Variants in DDX19B observed in about 807,000 individuals in gnomAD.
The protein encoded by DDX19B is DEAD-box helicase 19B, also known as ATP-dependent RNA helicase DDX19B.
A neutral mutation model predicts 58.1 loss-of-function variants in DDX19B; 27 were observed. The observed-to-expected ratio is 0.46, with a 90% CI of 0.34 to 0.64. The LOEUF (loss-of-function observed/expected upper bound fraction) is 0.64, where lower values mean the gene tolerates loss of function less well. Among genes scored for constraint, DDX19B ranks in the 30% least tolerant of loss-of-function variants. The pLI is 0.01. For synonymous variants in DDX19B, 187 were observed against 214.4 expected (o/e 0.87, Z 1.12); for missense variants, 399 against 596.5 (o/e 0.67, Z 3.45).
At chr16:70,326,039 T>C (rs1010876071) in intron 7 of DDX19B, among the ~76,000 whole-genome samples, 12 of 152,356 alleles carry the variant, frequency 7.9e-5, no homozygotes, top group Admixed American at 3.9e-4. Context: ...TGTTTGGTTT[T>C]TCGACCAAGA....
chr16:70,296,771 CCTG>C (rs1389092606), upstream of DDX19B, among the ~76,000 whole-genome samples: 1 of 152,074 alleles, frequency 6.6e-6, no homozygotes, highest in Admixed American at 6.6e-5. Context: ...TCCAGTTAAC[CCTG>C]TGAGAGTGCA....
chr16:70,327,970 G>C (rs1199925837), intron 7 of DDX19B, among the ~76,000 whole-genome samples: 4 of 152,054 alleles, frequency 2.6e-5, no homozygotes, highest in African/African-American at 9.7e-5. Context: ...TGACCAACAT[G>C]ATGAAACCCA....
intron 9 of DDX19B, among the ~76,000 whole-genome samples, chr16:70,330,815 G>A (rs919125809): frequency 1.3e-5 from 2 of 151,862 alleles, no homozygotes; most frequent in African/African-American, 2.4e-5. Context: ...AGGCTGAGGT[G>A]GGGGGATCTT....
At chr16:70,312,386 G>C (rs1182880370) in intron 1 of DDX19B, among the ~76,000 whole-genome samples, 1 of 152,164 alleles carries the variant, frequency 6.6e-6, no homozygotes, top group East Asian at 1.9e-4. Context: ...TTAAGTAGAA[G>C]GTACAGATTT....
In DDX19B at chr16:70,316,101, G is replaced by A. The variant is rs772047383; in HGVS notation, c.293G>A (p.Arg98Gln). 8 of 1,614,000 alleles carry A rather than the reference G, an allele frequency of 5.0e-6. No individual in the cohort carries two copies. The highest frequency in any genetic ancestry group is 2.2e-5 in the East Asian group (1 of 44,874). ...LYSVKSFEEL[R>Q]LKPQLLQGVY... is the part of the protein sequence containing the mutation. ...TCGGTGAAGTCTTTTGAAGAGCTTC[G>A]GCTGTGAGTATTTATTCACCTTCTG... is the stretch of plus-strand genomic sequence containing the variant. The change falls in exon 4 of 12, where the codon CGG becomes CAG. Residue 98 changes from arginine to glutamine, a missense_variant. Around this residue, in one of 4 missense-constraint regions of DDX19B, gnomAD observed 132 missense variants for 159.4 expected, o/e 0.83. Coordinates refer to ENST00000288071, the MANE Select transcript of DDX19B (RefSeq NM_007242.7).
chr16:70,333,658 C>T lies in DDX19B; in HGVS notation c.*76C>T, dbSNP rs996416861. 4.4e-6 allele frequency: 7 copies of T among 1,606,896 alleles called. No homozygotes were observed. Among genetic ancestry groups the T allele is most frequent in the Admixed American group, 1.7e-5 (1 of 59,894 alleles). On this transcript the variant is annotated 3_prime_UTR_variant, in exon 12 of 12. Coordinates refer to ENST00000288071, the MANE Select transcript of DDX19B (RefSeq NM_007242.7). ...GACAAGTGCGTTCAGGGCACAGGCC[C>T]CGACATCACCCCAAGGACAACGGCA...
intron 2 of DDX19B, among the ~76,000 whole-genome samples, chr16:70,314,232 T>A (rs188245969): frequency 2.4e-4 from 37 of 152,354 alleles, no homozygotes; most frequent in Admixed American, 1.1e-3. Flanking sequence ...TTTGCATAGA[T>A]ATTCCTCTGT....
upstream of DDX19B, among the ~76,000 whole-genome samples, chr16:70,290,550 T>C (rs969460299): frequency 2.0e-5 from 3 of 151,880 alleles, no homozygotes; most frequent in Non-Finnish European, 4.4e-5. Flanking sequence ...AAAATAAAAA[T>C]TAGCCAGGCA....
chr16:70,329,736 C>A, intron 8 of DDX19B, 95 bp from the exon 9 acceptor site: 7 of 1,537,818 alleles, frequency 4.6e-6, no homozygotes, highest in Non-Finnish European at 6.2e-6. Flanking sequence ...TCCCATCAGC[C>A]TTCCTGGGCA....
chr16:70,302,046 G>A (rs979902388), intron 1 of DDX19B, among the ~76,000 whole-genome samples: 2 of 151,386 alleles, frequency 1.3e-5, no homozygotes, highest in African/African-American at 2.4e-5. Flanking sequence ...TCAGCCTCCC[G>A]AGTAGCTGGG....
upstream of DDX19B, among the ~76,000 whole-genome samples, chr16:70,298,396 ACT>A (rs941216632): frequency 1.4e-4 from 21 of 152,020 alleles, no homozygotes; most frequent in Non-Finnish European, 2.2e-4. Context: ...ACAGAGCCAG[ACT>A]CAATCTCAAA....
upstream of DDX19B, among the ~76,000 whole-genome samples, chr16:70,294,391 A>G (rs1397851257): frequency 2.0e-5 from 3 of 152,118 alleles, no homozygotes; most frequent in Admixed American, 2.0e-4. Flanking sequence ...GAGAGCCTGC[A>G]TTTTTAACAG....
intron 3 of DDX19B, chr16:70,315,701 T>C: frequency 3.1e-6 from 1 of 319,392 alleles, no homozygotes; most frequent in Non-Finnish European, 5.7e-6. Flanking sequence ...AGTAAATATG[T>C]GGGTCTGGAT....
chr16:70,290,581 C>A (rs1324090251), upstream of DDX19B, among the ~76,000 whole-genome samples: 3 of 152,170 alleles, frequency 2.0e-5, no homozygotes, highest in African/African-American at 7.2e-5. Context: ...TGCTTGTAGT[C>A]CCAGCTACTT....
chr16:70,317,263 C>A, intron 4 of DDX19B: 1 of 281,860 alleles, frequency 3.5e-6, no homozygotes, highest in Non-Finnish European at 6.6e-6. Context: ...TACCTGTAAT[C>A]CCAGCTATTC....
intron 9 of DDX19B, among the ~76,000 whole-genome samples, chr16:70,330,790 T>A (rs1345818597): frequency 6.6e-6 from 1 of 151,898 alleles, no homozygotes; most frequent in Non-Finnish European, 1.5e-5. Flanking sequence ...ACGCCTGTAA[T>A]CCCAGCCTTT....
In DDX19B at chr16:70,334,699, A is replaced by G. The variant is rs370751411; in HGVS notation, c.*1117A>G. 6.6e-6 allele frequency: 1 copy of G among 152,334 alleles called. No individual in the cohort carries two copies. Among genetic ancestry groups the G allele is most frequent in the South Asian group, 2.1e-4 (1 of 4,826 alleles). 9.4% of individuals were successfully genotyped at this position (152,334 alleles called of 1,614,324 possible). A position where few individuals can be genotyped will look rare whatever the true frequency, so the allele number is the denominator to read the frequency against. Reference sequence around the variant, plus strand: ...GGGACTAGCTACACTACCACCATTTATCTGTCCAAGGCAAGAGTATCACCA... The same window carrying G: ...GGGACTAGCTACACTACCACCATTTGTCTGTCCAAGGCAAGAGTATCACCA... On this transcript the variant is annotated 3_prime_UTR_variant, in exon 12 of 12. Coordinates refer to ENST00000288071, the MANE Select transcript of DDX19B (RefSeq NM_007242.7).
chr16:70,330,146 C>T, intron 9 of DDX19B, 78 bp downstream of exon 9: 3 of 1,532,510 alleles, frequency 2.0e-6, no homozygotes, highest in South Asian at 2.3e-5. Flanking sequence ...GACTGGATGC[C>T]CCTGGGTGCC....
intron 1 of DDX19B, among the ~76,000 whole-genome samples, chr16:70,307,916 T>C (rs1280537119): frequency 6.6e-6 from 1 of 150,816 alleles, no homozygotes; most frequent in African/African-American, 2.4e-5. Flanking sequence ...TATTTTAAAA[T>C]TTATTTAAAT....
Sources: gnomAD v4.1 joint callset for allele counts (sites outside exome capture counted in the v4.1 genomes callset) on GRCh38, gnomAD v4.1.1 for gene constraint, gnomAD v4.1.1 regional missense constraint, MANE v1.5 for transcripts, NCBI Gene and HGNC (gene_info 2026-07-23, HGNC 2026-07-21) for gene names.